REXO1: variants seen among roughly 807,000 people sequenced by gnomAD.
REXO1 encodes the protein RNA exonuclease 1 homolog, also known as REX1, RNA exonuclease 1 homolog.
REXO1 carries 42 observed loss-of-function variants against 102.6 expected under a neutral mutation model. The observed-to-expected ratio is 0.41, with a 90% CI of 0.32 to 0.53. The LOEUF (loss-of-function observed/expected upper bound fraction) is 0.53, where lower values mean the gene tolerates loss of function less well. REXO1 is among the 20% of genes least tolerant of loss of function. The probability of loss-of-function intolerance (pLI) is 0.27; values close to 1 mark genes in which losing one functional copy is unlikely to be tolerated. For missense variants in REXO1, 1,819 were observed against 1,732.5 expected, an observed-to-expected ratio of 1.05 and a Z score of -0.89; for synonymous variants, 908 against 779.1, an observed-to-expected ratio of 1.17 and a Z score of -2.76.
In REXO1 at chr19:1,816,363, G is replaced by T; in HGVS notation, c.3457-18C>A. On this transcript the variant is annotated intron_variant, in intron 14 of 15. Coordinates refer to ENST00000170168, the MANE Select transcript of REXO1 (RefSeq NM_020695.4). ...TGGATGACCTGTGGGCAGCGGCAGA[G>T]ATCAGCGCACGTGGGGCCTGCGCAG... 6.3e-7 allele frequency: 1 copy of T among 1,591,118 alleles called. No individual in the cohort carries two copies. Among genetic ancestry groups the T allele is most frequent in the Non-Finnish European group, 8.6e-7 (1 of 1,167,964 alleles).
intron 1 of REXO1, among the ~76,000 whole-genome samples, chr19:1,837,144 G>C (rs1166751247): frequency 6.6e-6 from 1 of 152,248 alleles, no homozygotes. Flanking sequence ...GGCTGGTTGT[G>C]TCCACGGGAG....
intron 1 of REXO1, among the ~76,000 whole-genome samples, chr19:1,840,770 G>A (rs1475837776): frequency 4.6e-5 from 7 of 151,530 alleles, no homozygotes; most frequent in South Asian, 2.1e-4. Flanking sequence ...TCTGCTTCCC[G>A]AGTCCCCTCA....
intron 1 of REXO1, among the ~76,000 whole-genome samples, chr19:1,838,125 G>A (rs900034524): frequency 2.6e-5 from 4 of 152,114 alleles, no homozygotes; most frequent in Non-Finnish European, 5.9e-5. Context: ...TTTGAGACCA[G>A]CCTGGCCAAC....
chr19:1,839,058 C>T (rs897818814), intron 1 of REXO1, among the ~76,000 whole-genome samples: 1 of 152,050 alleles, frequency 6.6e-6, no homozygotes, highest in Admixed American at 6.5e-5. Context: ...GAGTTTGAGA[C>T]CAGCCTGGGC....
rs768977406 is a variant in REXO1, at chr19:1,816,015, G to A, written c.*51C>T. ...TTGCACTGTTTTGGAAGAGGCATGG[G>A]GCTAAGGACCAGCGGGACGGCAGGA... On this transcript the variant is annotated 3_prime_UTR_variant, in exon 16 of 16. Transcript: ENST00000170168. 40 of 1,538,654 alleles carry A rather than the reference G, an allele frequency of 2.6e-5. No individual in the cohort carries two copies. Among genetic ancestry groups the A allele is most frequent in the Non-Finnish European group, 3.4e-5 (39 of 1,147,144 alleles).
At chr19:1,848,109 GGGCCGAGAACGGGGACCCC>G (rs1568725767) in intron 1 of REXO1, 74 bp downstream of exon 1, 12 of 607,606 alleles carry the variant, frequency 2.0e-5, no homozygotes, top group African/African-American at 9.6e-5. Context: ...GGAGGAGGCT[GGGCCGAGAACGGGGACCCC>G]GGGCGGGACC....
chr19:1,825,809 T>A, intron 3 of REXO1, 30 bp downstream of exon 3: 654 of 1,047,734 alleles, frequency 6.2e-4, no homozygotes, highest in Non-Finnish European at 8.4e-4. Context: ...AAAAAAAGGC[T>A]CCTGCTGGCC....
chr19:1,828,860 C>A (rs1429094453), intron 1 of REXO1, among the ~76,000 whole-genome samples: 2 of 152,248 alleles, frequency 1.3e-5, no homozygotes, highest in Non-Finnish European at 2.9e-5. Flanking sequence ...GCTGGATGGG[C>A]CTGGGCTGCG....
Position 1,816,825 on chromosome 19 carries a change from G to A in REXO1, c.3202-12C>T. ...TATGTGGTGTAGGACTGCGGGCAAG[G>A]GATGCACCTCAGATGTGTCCCAGGC... On this transcript the variant is annotated splice_polypyrimidine_tract_variant and intron_variant, in intron 12 of 15. Transcript: ENST00000170168. The A allele has an allele frequency of 6.3e-7, 1 of 1,595,532 alleles. No individual in the cohort carries two copies. Among genetic ancestry groups the A allele is most frequent in the Non-Finnish European group, 8.6e-7 (1 of 1,164,654 alleles).
rs767384591 is a variant in REXO1 at position 1,827,679 on chromosome 19, G to A, written c.1110C>T (p.Cys370=). ...AQVQSSQDGG[C]PKEGKPKKKK... is the part of the protein sequence containing the mutation. ...TCTTCTTGGGTTTTCCCTCCTTGGG[G>A]CAGCCCCCATCCTGTGAGGACTGGA... The change falls in exon 2 of 16, where the codon TGC becomes TGT. Residue 370 remains cysteine, a synonymous_variant. Transcript: ENST00000170168. The A allele has an allele frequency of 3.2e-6, 5 of 1,567,064 alleles. No homozygotes were observed. The highest frequency in any genetic ancestry group is 4.3e-6 in the Non-Finnish European group (5 of 1,171,126).
intron 3 of REXO1, among the ~76,000 whole-genome samples, chr19:1,825,399 G>A (rs1206276362): frequency 1.3e-5 from 2 of 151,834 alleles, no homozygotes; most frequent in East Asian, 3.9e-4. Context: ...CCCAACGCTG[G>A]GAAGCCGAGG....
intron 1 of REXO1, among the ~76,000 whole-genome samples, chr19:1,842,856 C>G (rs974878725): frequency 2.6e-5 from 4 of 152,234 alleles, no homozygotes; most frequent in Admixed American, 6.5e-5. Flanking sequence ...AAAATAGTAC[C>G]TTCAAAAGTA....
chr19:1,848,165 G>T, intron 1 of REXO1, 37 bp downstream of exon 1: 1 of 1,083,928 alleles, frequency 9.2e-7, no homozygotes, highest in African/African-American at 1.6e-5. Context: ...CCGGGCAGGG[G>T]AGCCGAGCCC....
At position 1,828,320 on chromosome 19, in the gene REXO1, C is replaced by T. The variant is rs200585798; in HGVS notation, c.469G>A (p.Gly157Ser). Residue 157 changes from glycine (G) to serine (S), a missense_variant, in exon 2 of 16, where the codon GGC becomes AGC. Gly to Ser is a moderately conservative substitution (Grantham distance 56, BLOSUM62 0). Coordinates refer to ENST00000170168, the MANE Select transcript of REXO1 (RefSeq NM_020695.4). ...LAFDYSPGSH[G>S]LLSPDAGYQP... ...TAGCCGGCATCAGGGCTTAATAGGC[C>T]GTGGCTGCCGGGGCTGTAGTCGAAG... 2.6e-3 allele frequency: 4,194 copies of T among 1,609,718 alleles called. 14 individuals carry two copies. Among genetic ancestry groups the T allele is most frequent in the Admixed American group, 6.0e-3 (357 of 59,700 alleles).
In REXO1 at chr19:1,827,721, G is replaced by A. The variant is rs770282476; in HGVS notation, c.1068C>T (p.Pro356=). 38 of 1,570,144 alleles carry A rather than the reference G, an allele frequency of 2.4e-5. No homozygotes were observed. The highest frequency in any genetic ancestry group is 3.4e-4 in the Middle Eastern group (2 of 5,810). ...VGDLQPPPAK[P]ASPAQVQSSQ... is the part of the protein sequence containing the mutation. The stretch of plus-strand genomic sequence containing the variant: ...AGGACTGGACCTGGGCTGGGGAGGC[G>A]GGCTTGGCTGGGGGCGGCTGGAGGT... Residue 356 remains proline, a synonymous_variant, in exon 2 of 16, where the codon CCC becomes CCT. Coordinates refer to ENST00000170168, the MANE Select transcript of REXO1 (RefSeq NM_020695.4).
In REXO1 at chr19:1,816,093, A is replaced by G. The variant is rs1199508646; in HGVS notation, c.3639T>C (p.Val1213=). 6.5e-7 allele frequency: 1 copy of G among 1,548,208 alleles called. No homozygotes were observed. The highest frequency in any genetic ancestry group is 8.7e-7 in the Non-Finnish European group (1 of 1,146,918). Reference sequence around the variant, plus strand: ...ATCGCTTGGTCTTGGCGTCTTCTCGAACCTTCCAGATCACCAGGTGCATGC... The same window carrying G: ...ATCGCTTGGTCTTGGCGTCTTCTCGGACCTTCCAGATCACCAGGTGCATGC... ...GACMHLVIWK[V]REDAKTKR is the part of the protein sequence containing the mutation. The change falls in exon 16 of 16, where the codon GTT becomes GTC. Residue 1213 remains valine (V), a synonymous_variant. Coordinates refer to ENST00000170168, the MANE Select transcript of REXO1 (RefSeq NM_020695.4).
intron 1 of REXO1, among the ~76,000 whole-genome samples, chr19:1,838,538 G>A (rs373815546): frequency 1.3e-5 from 2 of 151,810 alleles, no homozygotes; most frequent in African/African-American, 4.8e-5. Flanking sequence ...AGTAGCTCAC[G>A]CCTGTAATCC....
Position 1,815,964 on chromosome 19 carries a change from CAGGTGG to C in REXO1, c.*96_*101del. ...TCCCGCTGCTCTGGGCTGCCTCGGC[CAGGTGG>C]ACGGGTTACCGGAGATTTATTGCAC... On this transcript the variant is annotated 3_prime_UTR_variant, in exon 16 of 16. Transcript: ENST00000170168. This position sits in a 1 kb window ranked among gnomAD's most constrained non-coding sequence, Gnocchi z 4.0. 1 of 1,535,596 alleles carries C rather than the reference CAGGTGG, an allele frequency of 6.5e-7. No individual in the cohort carries two copies. Among genetic ancestry groups the C allele is most frequent in the Non-Finnish European group, 8.7e-7 (1 of 1,146,646 alleles).
chr19:1,818,872 G>A, intron 8 of REXO1, 29 bp from the exon 9 acceptor site: 2 of 1,605,934 alleles, frequency 1.2e-6, no homozygotes, highest in Admixed American at 1.7e-5. Flanking sequence ...GTCAGCCCCT[G>A]CCTGGGATGG....
Sources: gnomAD v4.1 joint callset for allele counts (sites outside exome capture counted in the v4.1 genomes callset) on GRCh38, gnomAD v4.1.1 for gene constraint, Gnocchi (gnomAD v3.1) non-coding constraint, MANE v1.5 for transcripts, NCBI Gene and HGNC (gene_info 2026-07-23, HGNC 2026-07-21) for gene names.